The following ALMS1 variants were observed in gnomAD, a reference collection of about 807,000 sequenced individuals.
ALMS1 encodes centrosome-associated protein ALMS1.
A neutral mutation model predicts 352.2 loss-of-function variants in ALMS1; 271 were observed. That is an observed-to-expected ratio of 0.77 (90% CI 0.70 to 0.85). ALMS1 has a LOEUF of 0.85. ALMS1 is among the 40% of genes least tolerant of loss of function. The probability of loss-of-function intolerance (pLI) is 0.00; values close to 1 mark genes in which losing one functional copy is unlikely to be tolerated. For missense variants in ALMS1, 5,445 were observed against 4,870.7 expected (o/e 1.12, Z -3.51); for synonymous variants, 1,865 against 1,761.2 (o/e 1.06, Z -1.48).
At chr2:73,546,869 G>A (rs536450556) in intron 12 of ALMS1, among the ~76,000 whole-genome samples, 1 of 152,280 alleles carries the variant, frequency 6.6e-6, no homozygotes, top group African/African-American at 2.4e-5. Flanking sequence ...TCATGAATCA[G>A]GCAACATCCC....
chr2:73,545,140 T>C (rs1477479525), intron 12 of ALMS1, among the ~76,000 whole-genome samples: 2 of 151,860 alleles, frequency 1.3e-5, no homozygotes, highest in African/African-American at 4.8e-5. Context: ...ATATACTTAA[T>C]GCCACTGAAG....
intron 9 of ALMS1, among the ~76,000 whole-genome samples, chr2:73,482,597 A>T (rs376953528): frequency 1.3e-4 from 20 of 152,288 alleles, no homozygotes; most frequent in African/African-American, 2.9e-4. Flanking sequence ...CCTCATAAAA[A>T]GAGTTAGGGA....
chr2:73,425,965 G>T (rs985732445), intron 5 of ALMS1, among the ~76,000 whole-genome samples: 1 of 152,146 alleles, frequency 6.6e-6, no homozygotes, highest in Admixed American at 6.5e-5. Flanking sequence ...TTACAACCAG[G>T]CTGTTGGTCT....
intron 12 of ALMS1, among the ~76,000 whole-genome samples, chr2:73,542,137 G>A (rs553738612): frequency 6.6e-5 from 10 of 152,210 alleles, no homozygotes; most frequent in Middle Eastern, 3.4e-3. Context: ...CTGGAAAACC[G>A]AATCCAGCAG....
intron 10 of ALMS1, among the ~76,000 whole-genome samples, chr2:73,508,025 T>G (rs555639160): frequency 6.6e-6 from 1 of 152,264 alleles, no homozygotes; most frequent in Admixed American, 6.5e-5. Context: ...TGCCTTGATT[T>G]CGTTATTTAG....
In ALMS1 at chr2:73,584,847, A is replaced by G. The variant is rs1350540381; in HGVS notation, c.11547+11423A>G. On this transcript the variant is annotated intron_variant, in intron 16 of 22. Transcript: ENST00000613296. ...ATCCTTATTCCTTTGTATCCTCATA[A>G]CTTAGCTCCCCGTTATAAATGAGAA... 2.0e-5 allele frequency among the ~76,000 whole-genome samples: 3 copies of G among 151,760 alleles called. No homozygotes were observed. In the East Asian group the frequency reaches 5.8e-4, roughly 29 times the overall value.
intron 11 of ALMS1, among the ~76,000 whole-genome samples, chr2:73,521,291 A>G (rs1673669669): frequency 6.6e-6 from 1 of 152,106 alleles, no homozygotes; most frequent in Non-Finnish European, 1.5e-5. Context: ...TCACAGGCTT[A>G]TGGGTCAATT....
intron 11 of ALMS1, among the ~76,000 whole-genome samples, chr2:73,527,391 A>G (rs1673813405): frequency 6.6e-6 from 1 of 152,076 alleles, no homozygotes; most frequent in Non-Finnish European, 1.5e-5. Context: ...CAGTTAAGCC[A>G]TTGAGTCCTC....
chr2:73,391,291 A>ATTTTTTTTTTT (rs1670639813), intron 1 of ALMS1, among the ~76,000 whole-genome samples: 2 of 96,780 alleles, frequency 2.1e-5, no homozygotes, highest in African/African-American at 7.5e-5. Context: ...TATACGTTTT[A>ATTTTTTTTTTT]TTCTTTTTTT....
intron 9 of ALMS1, among the ~76,000 whole-genome samples, chr2:73,477,327 C>CT (rs1672603772): frequency 6.6e-6 from 1 of 152,040 alleles, no homozygotes; most frequent in Non-Finnish European, 1.5e-5. Context: ...ACTGTCGGTT[C>CT]TATGCCATTG....
chr2:73,522,790 TGACTG>T (rs1164526926), intron 11 of ALMS1, among the ~76,000 whole-genome samples: 1 of 152,162 alleles, frequency 6.6e-6, no homozygotes, highest in Non-Finnish European at 1.5e-5. Flanking sequence ...ATTAATTTCT[TGACTG>T]GACTTTCTTT....
At chr2:73,568,994 T>G (rs973658156) in intron 15 of ALMS1, among the ~76,000 whole-genome samples, 10 of 127,530 alleles carry the variant, frequency 7.8e-5, no homozygotes, top group Non-Finnish European at 1.5e-4. Flanking sequence ...TGCTTCTGCT[T>G]CTTTTTTTTT....
Position 73,572,985 on chromosome 2 carries a change from C to A in ALMS1, c.11108C>A (p.Ala3703Asp), listed in dbSNP as rs772678666. ...AGCAAGGTGCTTTCTCATCATCGAG[C>A]TGGGAGGTCTAATCAAATTAAAATT... is the stretch of plus-strand genomic sequence containing the variant. ...KKSKVLSHHR[A>D]GRSNQIKIEQ... Residue 3703 changes from alanine (A) to aspartate (D), a missense_variant, in exon 16 of 23, where the codon GCT becomes GAT. Physicochemically the swap from Ala to Asp is moderately radical, Grantham distance 126. Transcript: ENST00000613296. The A allele has an allele frequency of 6.2e-7, 1 of 1,613,906 alleles. No individual in the cohort carries two copies. The highest frequency in any genetic ancestry group is 2.2e-5 in the East Asian group (1 of 44,890).
chr2:73,596,683 G>A (rs1038273445), intron 16 of ALMS1, among the ~76,000 whole-genome samples: 6 of 151,776 alleles, frequency 4.0e-5, no homozygotes, highest in Non-Finnish European at 8.8e-5. Flanking sequence ...TATTGGCCAG[G>A]CTGGTCTCGA....
At chr2:73,440,639 G>T (rs532417729) in intron 7 of ALMS1, among the ~76,000 whole-genome samples, 2 of 152,032 alleles carry the variant, frequency 1.3e-5, no homozygotes, top group African/African-American at 2.4e-5. Context: ...TGGCCAGGCT[G>T]GTCTTGAACT....
Position 73,449,646 on chromosome 2 carries a change from CTG to C in ALMS1, c.3120_3121del (p.Glu1041AspfsTer7). The C allele has an allele frequency of 6.2e-7, 1 of 1,614,078 alleles. No individual in the cohort carries two copies. Among genetic ancestry groups the C allele is most frequent in the Non-Finnish European group, 8.5e-7 (1 of 1,179,954 alleles). Reference sequence around the variant, plus strand: ...GGCCCTGGACCAGCTGACCAGAAGACTGAGATACCAGCAGTACAGTCTAGTTC... The same window carrying C: ...GGCCCTGGACCAGCTGACCAGAAGACAGATACCAGCAGTACAGTCTAGTTC... On this transcript the variant is annotated frameshift_variant, in exon 8 of 23. Transcript: ENST00000613296. LOFTEE classifies it high-confidence loss of function.
chr2:73,477,434 G>C (rs1174194795), intron 9 of ALMS1, among the ~76,000 whole-genome samples: 2 of 151,582 alleles, frequency 1.3e-5, no homozygotes, highest in East Asian at 1.9e-4. Flanking sequence ...CTCCAACGAT[G>C]TTTGTCATTT....
intron 2 of ALMS1, among the ~76,000 whole-genome samples, chr2:73,415,239 T>C (rs1671162481): frequency 1.3e-5 from 2 of 152,194 alleles, no homozygotes; most frequent in Admixed American, 1.3e-4. Flanking sequence ...ATGATTGAAA[T>C]GTATCAAGAA....
chr2:73,426,315 G>A lies in ALMS1; in HGVS notation c.1238-138G>A, dbSNP rs1671377147. ...CACAAGGTGCTTGTACCATTGACCA[G>A]TGATGCATCATTAATTGCAGTCGCC... On this transcript the variant is annotated intron_variant, in intron 5 of 22. Transcript: ENST00000613296. 55 of 852,558 alleles carry A rather than the reference G, an allele frequency of 6.5e-5. No homozygotes were observed. The South Asian group carries it at 7.5e-4, about 12-fold the overall frequency. 52.8% of individuals were successfully genotyped at this position (852,558 alleles called of 1,614,324 possible).
Sources: gnomAD v4.1 joint callset for allele counts (sites outside exome capture counted in the v4.1 genomes callset) on GRCh38, gnomAD v4.1.1 for gene constraint, MANE v1.5 for transcripts, NCBI Gene and HGNC (gene_info 2026-07-23, HGNC 2026-07-21) for gene names.